Variants in RAD54L2 observed in about 807,000 individuals in gnomAD.
RAD54L2 encodes helicase ARIP4.
Under a neutral mutation model 138.4 loss-of-function variants are expected in RAD54L2, and 27 were observed. The ratio of observed to expected loss-of-function variants is 0.20; its 90% CI spans 0.14 to 0.27. The LOEUF (loss-of-function observed/expected upper bound fraction) is 0.27, where lower values mean the gene tolerates loss of function less well. Among genes scored for constraint, RAD54L2 ranks in the 10% least tolerant of loss-of-function variants. RAD54L2 has a pLI of 1.00. For synonymous variants in RAD54L2, 644 were observed against 723.2 expected, an observed-to-expected ratio of 0.89 and a Z score of 1.76; for missense variants, 1,396 against 1,890.2, an observed-to-expected ratio of 0.74 and a Z score of 4.85.
intron 21 of RAD54L2, 123 bp downstream of exon 21, chr3:51,657,792 T>G (rs1336111435): frequency 1.5e-6 from 1 of 686,788 alleles, no homozygotes; most frequent in Non-Finnish European, 2.6e-6. Context: ...GGATGTCACA[T>G]TCCGGAACTG....
intron 2 of RAD54L2, among the ~76,000 whole-genome samples, chr3:51,573,596 C>T (rs996753038): frequency 2.6e-5 from 4 of 151,912 alleles, no homozygotes; most frequent in African/African-American, 9.7e-5. Context: ...CCACCACGCC[C>T]GAGTAGGTGG....
At chr3:51,649,629 T>TG (rs1460563333) in intron 19 of RAD54L2, among the ~76,000 whole-genome samples, 1 of 151,934 alleles carries the variant, frequency 6.6e-6, no homozygotes, top group Non-Finnish European at 1.5e-5. Flanking sequence ...CAGAAGAGAG[T>TG]GGGGGCCAAT....
chr3:51,614,292 G>A (rs1396891448), intron 3 of RAD54L2, among the ~76,000 whole-genome samples: 1 of 151,920 alleles, frequency 6.6e-6, no homozygotes, highest in Non-Finnish European at 1.5e-5. Context: ...CTTCCAAGTA[G>A]CTATGACTAT....
rs1701899634 is a variant in RAD54L2, at chr3:51,665,892, TCCGGAAACCTTC to T, written c.*2475_*2486del. The T allele has an allele frequency of 6.6e-6, 1 of 152,150 alleles. No homozygotes were observed. 9.4% of individuals were successfully genotyped at this position (152,150 alleles called of 1,614,324 possible). On this transcript the variant is annotated 3_prime_UTR_variant, in exon 23 of 23. Transcript: ENST00000684192. ...AAATCACTGTACTAGCCTCCAAGAA[TCCGGAAACCTTC>T]CCAGCCGGGAACTGAAACCATTCCC... is the stretch of plus-strand genomic sequence containing the variant.
At chr3:51,603,471 G>T (rs1205236085) in intron 3 of RAD54L2, among the ~76,000 whole-genome samples, 1 of 152,064 alleles carries the variant, frequency 6.6e-6, no homozygotes, top group Non-Finnish European at 1.5e-5. Flanking sequence ...GCTGAACATG[G>T]TGGTAGGTAC....
chr3:51,606,799 C>A (rs888906614), intron 3 of RAD54L2, among the ~76,000 whole-genome samples: 2 of 151,944 alleles, frequency 1.3e-5, no homozygotes, highest in African/African-American at 4.8e-5. Flanking sequence ...TCTCTGGCCT[C>A]ACCCTCCCAA....
At chr3:51,654,536 C>T (rs1043955227) in intron 19 of RAD54L2, among the ~76,000 whole-genome samples, 2 of 152,184 alleles carry the variant, frequency 1.3e-5, no homozygotes, top group Admixed American at 6.5e-5. Flanking sequence ...GAGAAAGTCA[C>T]TCTCTTTCAA....
intron 3 of RAD54L2, among the ~76,000 whole-genome samples, chr3:51,620,771 C>T (rs148309563): frequency 2.3e-4 from 35 of 152,268 alleles, no homozygotes; most frequent in African/African-American, 7.9e-4. Context: ...TGCAACTAGG[C>T]CTGATTCTGT....
chr3:51,654,861 G>A (rs1048448314), intron 19 of RAD54L2, among the ~76,000 whole-genome samples: 12 of 152,146 alleles, frequency 7.9e-5, no homozygotes, highest in Non-Finnish European at 1.5e-4. Flanking sequence ...ATCCACATGG[G>A]TACATGTGAG....
At chr3:51,621,591 T>C (rs568105786) in intron 3 of RAD54L2, among the ~76,000 whole-genome samples, 185 of 152,274 alleles carry the variant, frequency 1.2e-3, no homozygotes, top group Admixed American at 4.4e-3. Flanking sequence ...TGGCAAAAAG[T>C]TCCCCCCTGC....
At chr3:51,661,490 A>G (rs1701772756) in intron 22 of RAD54L2, among the ~76,000 whole-genome samples, 2 of 152,214 alleles carry the variant, frequency 1.3e-5, no homozygotes, top group Admixed American at 1.3e-4. Flanking sequence ...AGAGGTGGTT[A>G]TATCTATAGG....
intron 2 of RAD54L2, among the ~76,000 whole-genome samples, chr3:51,587,638 A>G (rs1215300611): frequency 6.6e-6 from 1 of 151,542 alleles, no homozygotes; most frequent in Non-Finnish European, 1.5e-5. Context: ...GCACACACAC[A>G]CTCGTAATTC....
chr3:51,586,787 T>C (rs904779857), intron 2 of RAD54L2, among the ~76,000 whole-genome samples: 2 of 152,004 alleles, frequency 1.3e-5, no homozygotes, highest in African/African-American at 4.8e-5. Context: ...TGGGCTGGTC[T>C]TGAACTCCTG....
At chr3:51,650,928 CTG>C (rs1248147509) in intron 19 of RAD54L2, among the ~76,000 whole-genome samples, 2 of 152,104 alleles carry the variant, frequency 1.3e-5, no homozygotes, top group African/African-American at 4.8e-5. Flanking sequence ...GCAAGAATAA[CTG>C]AGATCAGAGC....
At chr3:51,594,117 C>A (rs1013778420) in intron 3 of RAD54L2, among the ~76,000 whole-genome samples, 2 of 132,672 alleles carry the variant, frequency 1.5e-5, no homozygotes, top group Non-Finnish European at 3.1e-5. Flanking sequence ...TTTGCCCAGG[C>A]TGGAGTGCAG....
At chr3:51,546,912 C>T (rs1378179246) in intron 2 of RAD54L2, among the ~76,000 whole-genome samples, 12 of 151,010 alleles carry the variant, frequency 7.9e-5, no homozygotes, top group African/African-American at 2.7e-4. Context: ...GCCTGTAGTC[C>T]CAGCTACTTG....
chr3:51,612,210 A>T (rs1411004166), intron 3 of RAD54L2, among the ~76,000 whole-genome samples: 1 of 152,182 alleles, frequency 6.6e-6, no homozygotes, highest in African/African-American at 2.4e-5. Flanking sequence ...CATGCCTGTA[A>T]TCCCAGCACT....
chr3:51,653,097 A>T (rs879646466), intron 19 of RAD54L2, among the ~76,000 whole-genome samples: 1 of 152,116 alleles, frequency 6.6e-6, no homozygotes, highest in African/African-American at 2.4e-5. Context: ...AAATCAAACA[A>T]CCCCATCAAA....
chr3:51,596,837 G>A (rs771120133), intron 3 of RAD54L2, among the ~76,000 whole-genome samples: 2 of 152,110 alleles, frequency 1.3e-5, no homozygotes, highest in Non-Finnish European at 2.9e-5. Flanking sequence ...TTTGGCCTAC[G>A]TTGTGGACAG....
Sources: allele counts gnomAD v4.1 joint callset (sites outside exome capture counted in the v4.1 genomes callset), GRCh38; gene constraint gnomAD v4.1.1; transcripts MANE v1.5; gene names NCBI Gene and HGNC (gene_info 2026-07-23, HGNC 2026-07-21).